BTAF1: variants seen among roughly 807,000 people sequenced by gnomAD.
BTAF1 encodes the protein TATA-binding protein-associated factor 172.
Under a neutral mutation model 227.1 loss-of-function variants are expected in BTAF1, and 38 were observed. The observed-to-expected ratio is 0.17, with a 90% CI of 0.13 to 0.22. The LOEUF is 0.22. Among genes scored for constraint, BTAF1 ranks in the 10% least tolerant of loss-of-function variants. The pLI, the probability that BTAF1 is intolerant of heterozygous loss-of-function variation, is 1.00. For synonymous variants in BTAF1, 742 were observed against 751.9 expected (o/e 0.99, Z 0.21); for missense variants, 1,598 against 2,204.0 (o/e 0.73, Z 5.51).
At chr10:91,930,086 C>T (rs986104413) in intron 1 of BTAF1, among the ~76,000 whole-genome samples, 1 of 152,040 alleles carries the variant, frequency 6.6e-6, no homozygotes, top group Non-Finnish European at 1.5e-5. Flanking sequence ...TTGTGACACA[C>T]ATAAAAATAG....
intron 16 of BTAF1, 122 bp downstream of exon 16, chr10:91,981,914 C>A: frequency 7.4e-7 from 1 of 1,359,910 alleles, no homozygotes; most frequent in Non-Finnish European, 9.8e-7. Context: ...AAGGAGAAAC[C>A]GTTATTTTAT....
intron 14 of BTAF1, among the ~76,000 whole-genome samples, chr10:91,968,213 C>T (rs979278337): frequency 2.6e-5 from 4 of 152,200 alleles, no homozygotes; most frequent in Admixed American, 1.3e-4. Context: ...CCTTCCTTCC[C>T]TGTCCCTCAA....
At chr10:91,928,610 AGT>A (rs1844031131) in intron 1 of BTAF1, among the ~76,000 whole-genome samples, 2 of 152,154 alleles carry the variant, frequency 1.3e-5, no homozygotes, top group African/African-American at 4.8e-5. Flanking sequence ...TTAAATAATA[AGT>A]GTTATATTTT....
intron 12 of BTAF1, among the ~76,000 whole-genome samples, chr10:91,963,048 T>C (rs1846633289): frequency 6.6e-6 from 1 of 151,890 alleles, no homozygotes; most frequent in Admixed American, 6.6e-5. Flanking sequence ...CCTCCTCTCA[T>C]TATTAATTAT....
At chr10:91,960,658 A>T (rs1401664400) in intron 11 of BTAF1, among the ~76,000 whole-genome samples, 1 of 150,602 alleles carries the variant, frequency 6.6e-6, no homozygotes. Flanking sequence ...TATTATTTTC[A>T]TATAGGGAAA....
chr10:91,982,283 T>A (rs1242779499), intron 17 of BTAF1, 58 bp downstream of exon 17: 2 of 1,609,210 alleles, frequency 1.2e-6, no homozygotes. Flanking sequence ...TTTCAAAGGT[T>A]ATTTAACCAA....
Position 92,030,522 on chromosome 10 carries a change from A to G in BTAF1, c.*1589A>G, listed in dbSNP as rs1465172393. On this transcript the variant is annotated 3_prime_UTR_variant, in exon 38 of 38. Transcript: ENST00000265990. Reference sequence around the variant, plus strand: ...ATAAACCAGCTCTTTAACATAGCTTATAGTAATTGATATTTTCTTAGAATA... The same window carrying G: ...ATAAACCAGCTCTTTAACATAGCTTGTAGTAATTGATATTTTCTTAGAATA... Among the ~76,000 whole-genome samples the G allele has an allele frequency of 2.6e-4, 39 of 152,146 alleles. No homozygotes were observed. Among genetic ancestry groups the G allele is most frequent in the Non-Finnish European group, 1.6e-4 (11 of 67,986 alleles).
At chr10:92,004,601 G>A (rs1310297880) in intron 25 of BTAF1, among the ~76,000 whole-genome samples, 1 of 152,128 alleles carries the variant, frequency 6.6e-6, no homozygotes, top group African/African-American at 2.4e-5. Flanking sequence ...CCAAGTAGAT[G>A]GGACTACAGG....
chr10:91,956,399 G>A, intron 6 of BTAF1, 129 bp from the exon 7 acceptor site: 3 of 1,180,402 alleles, frequency 2.5e-6, no homozygotes, highest in Non-Finnish European at 3.5e-6. Context: ...AGAATATGGT[G>A]TAAAACATTT....
rs12358865 is a variant in BTAF1, at chr10:91,996,730, T to G, written c.3511+160T>G. Reference sequence around the variant, plus strand: ...TCTTATTTTGAAATATTTTTGTATTTTATTACAAATGTGTTACAAACTGAT... The same window carrying G: ...TCTTATTTTGAAATATTTTTGTATTGTATTACAAATGTGTTACAAACTGAT... On this transcript the variant is annotated intron_variant, in intron 24 of 37. Transcript: ENST00000265990. Among the ~76,000 whole-genome samples the G allele has an allele frequency of 0.27, 41,572 of 152,138 alleles. 6,943 individuals carry two copies. The highest frequency in any genetic ancestry group is 0.38 in the Non-Finnish European group (25,684 of 67,974).
intron 29 of BTAF1, 37 bp from the exon 30 acceptor site, chr10:92,011,249 G>A: frequency 6.7e-7 from 1 of 1,498,850 alleles, no homozygotes; most frequent in Non-Finnish European, 9.0e-7. Flanking sequence ...CTGACATACA[G>A]CAAAAGTTGT....
At chr10:91,955,690 A>G (rs1210078583) in intron 6 of BTAF1, among the ~76,000 whole-genome samples, 1 of 152,180 alleles carries the variant, frequency 6.6e-6, no homozygotes, top group African/African-American at 2.4e-5. Flanking sequence ...CTTTCCAAAT[A>G]GAGGGAATTA....
intron 25 of BTAF1, among the ~76,000 whole-genome samples, chr10:92,006,940 C>G (rs1035840082): frequency 6.6e-6 from 1 of 152,004 alleles, no homozygotes; most frequent in African/African-American, 2.4e-5. Context: ...GAAACATCAA[C>G]CACAAACAGA....
At chr10:91,936,749 C>G (rs1844640348) in intron 2 of BTAF1, among the ~76,000 whole-genome samples, 3 of 152,182 alleles carry the variant, frequency 2.0e-5, no homozygotes, top group Admixed American at 6.5e-5. Flanking sequence ...AGAGGCAACA[C>G]CTTTCTTCTC....
At chr10:91,999,061 T>TC (rs757197657) in intron 25 of BTAF1, among the ~76,000 whole-genome samples, 1 of 96,734 alleles carries the variant, frequency 1.0e-5, no homozygotes, top group Admixed American at 1.2e-4. Context: ...AGACTTCCTT[T>TC]CAAAAAAAAA....
intron 1 of BTAF1, among the ~76,000 whole-genome samples, chr10:91,930,781 A>G (rs1297504957): frequency 6.6e-6 from 1 of 152,190 alleles, no homozygotes; most frequent in Non-Finnish European, 1.5e-5. Context: ...TAAACATTCA[A>G]ATCATCTATA....
At chr10:92,009,268 C>A in intron 28 of BTAF1, 60 bp downstream of exon 28, 2 of 1,528,938 alleles carry the variant, frequency 1.3e-6, no homozygotes, top group Non-Finnish European at 1.8e-6. Context: ...AGATAAGGAA[C>A]AGTAACATTT....
chr10:92,005,065 A>G (rs1343742994), intron 25 of BTAF1, among the ~76,000 whole-genome samples: 2 of 152,092 alleles, frequency 1.3e-5, no homozygotes, highest in Non-Finnish European at 2.9e-5. Flanking sequence ...ATTTATTTCT[A>G]GGCTCTCTAG....
intron 1 of BTAF1, among the ~76,000 whole-genome samples, chr10:91,930,119 A>G (rs1844173892): frequency 6.6e-6 from 1 of 152,184 alleles, no homozygotes; most frequent in Non-Finnish European, 1.5e-5. Context: ...ATTTAAAAAT[A>G]CACTTTAAAA....
Sources: allele counts gnomAD v4.1 joint callset (sites outside exome capture counted in the v4.1 genomes callset), GRCh38; gene constraint gnomAD v4.1.1; transcripts MANE v1.5; gene names NCBI Gene and HGNC (gene_info 2026-07-23, HGNC 2026-07-21).